SLC25A21: variants seen among roughly 807,000 people sequenced by gnomAD.
The protein encoded by SLC25A21 is mitochondrial 2-oxodicarboxylate carrier.
Under a neutral mutation model 43.8 loss-of-function variants are expected in SLC25A21, and 47 were observed. The ratio of observed to expected loss-of-function variants is 1.07; its 90% CI spans 0.85 to 1.37. The LOEUF (loss-of-function observed/expected upper bound fraction) is 1.37, where lower values mean the gene tolerates loss of function less well. SLC25A21 is among the 40% of genes most tolerant of loss of function. The pLI is 0.00. For synonymous variants in SLC25A21, 131 were observed against 121.3 expected, an observed-to-expected ratio of 1.08 and a Z score of -0.52; for missense variants, 352 against 350.2, an observed-to-expected ratio of 1.00 and a Z score of -0.04.
chr14:36,764,534 C>CA (rs200286612), intron 3 of SLC25A21, among the ~76,000 whole-genome samples: 19,997 of 95,816 alleles, frequency 0.21, 1,884 homozygotes, highest in South Asian at 0.27. Context: ...ACCCACACTC[C>CA]AAAAAAAAAA....
intron 1 of SLC25A21, among the ~76,000 whole-genome samples, chr14:36,996,972 G>C (rs754524821): frequency 2.0e-5 from 3 of 152,166 alleles, no homozygotes; most frequent in Non-Finnish European, 4.4e-5. Context: ...CTAAGGGTAA[G>C]AGAAGGCTGA....
At chr14:36,935,881 T>C (rs1202208451) in intron 1 of SLC25A21, among the ~76,000 whole-genome samples, 1 of 152,188 alleles carries the variant, frequency 6.6e-6, no homozygotes, top group Non-Finnish European at 1.5e-5. Context: ...CCTTTGCATA[T>C]GTATGGATTC....
chr14:37,129,235 T>C (rs772037980), intron 1 of SLC25A21, among the ~76,000 whole-genome samples: 1 of 152,160 alleles, frequency 6.6e-6, no homozygotes, highest in Non-Finnish European at 1.5e-5. Context: ...ACAGCTATAC[T>C]CCACAGTCTC....
intron 1 of SLC25A21, among the ~76,000 whole-genome samples, chr14:37,165,958 A>G (rs1248621922): frequency 1.3e-5 from 2 of 152,220 alleles, no homozygotes; most frequent in Non-Finnish European, 2.9e-5. Flanking sequence ...GTTGATATGC[A>G]GACAGAGTAA....
intron 3 of SLC25A21, among the ~76,000 whole-genome samples, chr14:36,765,290 G>T (rs1188939166): frequency 6.6e-6 from 1 of 152,198 alleles, no homozygotes; most frequent in Non-Finnish European, 1.5e-5. Context: ...GACCAGAAAC[G>T]CAAGTAAAGA....
At position 36,855,880 on chromosome 14, in the gene SLC25A21, T is replaced by C. The variant is rs552454690; in HGVS notation, c.119+19076A>G. The stretch of plus-strand genomic sequence containing the variant: ...TCAACAGGGGTGAAGGGTGGTTTTG[T>C]TTCCCAGGCGGGTATTCGGCAATGT... On this transcript the variant is annotated intron_variant, in intron 2 of 9. Coordinates refer to ENST00000331299, the MANE Select transcript of SLC25A21 (RefSeq NM_030631.4). Among the ~76,000 whole-genome samples the C allele has an allele frequency of 3.9e-5, 6 of 152,328 alleles. No homozygotes were observed. In the East Asian group the frequency reaches 9.7e-4, roughly 25 times the overall value.
At chr14:36,833,601 G>A (rs1312930612) in intron 2 of SLC25A21, among the ~76,000 whole-genome samples, 1 of 152,190 alleles carries the variant, frequency 6.6e-6, no homozygotes, top group Admixed American at 6.5e-5. Flanking sequence ...CTTAGGAAAG[G>A]GCACTGGCTT....
At chr14:37,098,212 T>C (rs1962739388) in intron 1 of SLC25A21, 1 of 152,226 alleles carries the variant, frequency 6.6e-6, no homozygotes, top group African/African-American at 2.4e-5. Context: ...TCTAATGTCT[T>C]TCTCTACTGT....
In SLC25A21 at chr14:36,711,444, C is replaced by T. The variant is rs1390462119; in HGVS notation, c.477G>A (p.Lys159=). 6.2e-7 allele frequency: 1 copy of T among 1,614,082 alleles called. No individual in the cohort carries two copies. Among genetic ancestry groups the T allele is most frequent in the South Asian group, 1.1e-5 (1 of 91,072 alleles). The stretch of plus-strand genomic sequence containing the variant: ...GGCCCTGGAGTCCCCAGCCTTCCTT[C>T]TTAATGATTTGTCTTGCATAACCCA... ...STVGYARQII[K]KEGWGLQGLN... The change falls in exon 7 of 10, where the codon AAG becomes AAA. Residue 159 remains lysine, a synonymous_variant. Coordinates refer to ENST00000331299, the MANE Select transcript of SLC25A21 (RefSeq NM_030631.4).
At chr14:36,899,283 T>C (rs1382520905) in intron 1 of SLC25A21, among the ~76,000 whole-genome samples, 4 of 151,678 alleles carry the variant, frequency 2.6e-5, no homozygotes, top group Non-Finnish European at 5.9e-5. Flanking sequence ...GAAAAAAAAA[T>C]GTTTAAGTAG....
chr14:37,077,747 CAT>C (rs1271001944), intron 1 of SLC25A21, among the ~76,000 whole-genome samples: 2 of 152,080 alleles, frequency 1.3e-5, no homozygotes, highest in South Asian at 2.1e-4. Context: ...TCGAAATTCA[CAT>C]GAGAATATTA....
intron 3 of SLC25A21, among the ~76,000 whole-genome samples, chr14:36,766,038 T>C (rs937954564): frequency 6.6e-5 from 10 of 151,860 alleles, no homozygotes; most frequent in African/African-American, 2.4e-4. Flanking sequence ...CTTCTTTTTT[T>C]TTTGAGTGAA....
chr14:36,749,759 G>A (rs188613485), intron 3 of SLC25A21, among the ~76,000 whole-genome samples: 42 of 152,222 alleles, frequency 2.8e-4, no homozygotes, highest in Admixed American at 1.4e-3. Context: ...TCACAAAGCC[G>A]CAGGGCTCAC....
intron 2 of SLC25A21, among the ~76,000 whole-genome samples, chr14:36,829,929 A>ATT (rs34135187): frequency 8.7e-5 from 13 of 149,716 alleles, no homozygotes; most frequent in Non-Finnish European, 1.0e-4. Context: ...CTGCTGTTGC[A>ATT]TTTTTTTTTT....
intron 1 of SLC25A21, among the ~76,000 whole-genome samples, chr14:36,901,534 A>G (rs1337608874): frequency 6.6e-6 from 1 of 152,196 alleles, no homozygotes; most frequent in Admixed American, 6.5e-5. Context: ...AATTTTATAA[A>G]ACATATTTAA....
intron 1 of SLC25A21, among the ~76,000 whole-genome samples, chr14:37,010,708 T>G (rs751314052): frequency 2.0e-5 from 3 of 152,222 alleles, no homozygotes; most frequent in Non-Finnish European, 2.9e-5. Flanking sequence ...TTTAACAGTT[T>G]TGAATGCATA....
chr14:36,914,717 T>C (rs975347696), intron 1 of SLC25A21, among the ~76,000 whole-genome samples: 5 of 151,774 alleles, frequency 3.3e-5, no homozygotes, highest in East Asian at 3.9e-4. Context: ...TTGCACCAAA[T>C]AGTCATGTCA....
intron 1 of SLC25A21, among the ~76,000 whole-genome samples, chr14:37,154,468 AATC>A (rs57288576): frequency 0.082 from 11,916 of 145,752 alleles, 812 homozygotes; most frequent in African/African-American, 0.19. Flanking sequence ...CATAAAAAAA[AATC>A]AATGAAATAT....
At chr14:36,906,725 C>G (rs146452209) in intron 1 of SLC25A21, among the ~76,000 whole-genome samples, 3 of 151,858 alleles carry the variant, frequency 2.0e-5, no homozygotes, top group Non-Finnish European at 4.4e-5. Flanking sequence ...AGGATGGTCT[C>G]GATCTCCTGA....
Sources: gnomAD v4.1 joint callset for allele counts (sites outside exome capture counted in the v4.1 genomes callset) on GRCh38, gnomAD v4.1.1 for gene constraint, MANE v1.5 for transcripts, NCBI Gene and HGNC (gene_info 2026-07-23, HGNC 2026-07-21) for gene names.